PTGR1: variants seen among roughly 807,000 people sequenced by gnomAD.
The protein encoded by PTGR1 is prostaglandin reductase 1.
PTGR1 carries 23 observed loss-of-function variants against 37.7 expected under a neutral mutation model. The observed-to-expected ratio is 0.61, with a 90% confidence interval of 0.44 to 0.86. The LOEUF (loss-of-function observed/expected upper bound fraction) is 0.86, where lower values mean the gene tolerates loss of function less well. Among genes scored for constraint, PTGR1 ranks in the 40% least tolerant of loss-of-function variants. The pLI, the probability that PTGR1 is intolerant of heterozygous loss-of-function variation, is 0.00. For missense variants in PTGR1, 351 were observed against 394.3 expected (o/e 0.89, Z 0.93); for synonymous variants, 134 against 140.0 (o/e 0.96, Z 0.30).
In PTGR1 at chr9:111,563,034, T is replaced by C; in HGVS notation, c.*87A>G. On this transcript the variant is annotated 3_prime_UTR_variant, in exon 10 of 10. Coordinates refer to ENST00000407693, the MANE Select transcript of PTGR1 (RefSeq NM_001146108.2). ...ATTATGAGTACTATTTCTTAAGACA[T>C]TTAAGGTAGTATACATTTTTGCTAA... is the stretch of plus-strand genomic sequence containing the variant. 1 of 1,531,008 alleles carries C rather than the reference T, an allele frequency of 6.5e-7. No individual in the cohort carries two copies. The highest frequency in any genetic ancestry group is 2.3e-5 in the East Asian group (1 of 43,376). The allele number at this position is 1,531,008 out of a possible 1,614,324, so 94.8% of individuals were successfully genotyped here.
At chr9:111,576,085 G>A (rs914510494) in intron 7 of PTGR1, among the ~76,000 whole-genome samples, 4 of 151,928 alleles carry the variant, frequency 2.6e-5, no homozygotes, top group African/African-American at 9.7e-5. Context: ...GCTTGAACCT[G>A]GGAGGTCAAG....
intron 6 of PTGR1, among the ~76,000 whole-genome samples, chr9:111,582,820 C>G (rs1440707877): frequency 6.6e-6 from 1 of 152,218 alleles, no homozygotes; most frequent in African/African-American, 2.4e-5. Context: ...AACTTGTCCC[C>G]TAGGACCTAG....
At chr9:111,594,606 A>C (rs1432041467) in intron 2 of PTGR1, among the ~76,000 whole-genome samples, 1 of 134,470 alleles carries the variant, frequency 7.4e-6, no homozygotes, top group East Asian at 2.2e-4. Context: ...GCTGGAGTGC[A>C]GTGGCGTGAT....
At chr9:111,553,665 C>T (rs1001598721) in intron 9 of PTGR1, among the ~76,000 whole-genome samples, 2 of 152,170 alleles carry the variant, frequency 1.3e-5, no homozygotes, top group South Asian at 2.1e-4. Flanking sequence ...ACAACAGTGT[C>T]CTATGCAATG....
downstream of PTGR1, among the ~76,000 whole-genome samples, chr9:111,558,086 G>C (rs1024300002): frequency 1.3e-5 from 2 of 152,088 alleles, no homozygotes; most frequent in African/African-American, 4.8e-5. Flanking sequence ...GGCGGAGTTT[G>C]CACTAAGCCG....
intron 8 of PTGR1, among the ~76,000 whole-genome samples, chr9:111,571,656 TTTTGTTTG>T (rs112914784): frequency 0.28 from 41,716 of 151,284 alleles, 7,196 homozygotes; most frequent in Non-Finnish European, 0.4. Context: ...TTTTTTTAGT[TTTTGTTTG>T]TTTGTTTGTT....
chr9:111,586,573 T>C (rs975433335), intron 4 of PTGR1, among the ~76,000 whole-genome samples: 1 of 152,060 alleles, frequency 6.6e-6, no homozygotes, highest in Non-Finnish European at 1.5e-5. Flanking sequence ...AATATAAGCA[T>C]GCTCAAGTCT....
intron 9 of PTGR1, among the ~76,000 whole-genome samples, chr9:111,554,634 T>C (rs1828067961): frequency 6.6e-6 from 1 of 152,124 alleles, no homozygotes; most frequent in Non-Finnish European, 1.5e-5. Flanking sequence ...ATGACATGGA[T>C]ATGCTGGACA....
At chr9:111,559,498 GC>G (rs1193310869), downstream of PTGR1, among the ~76,000 whole-genome samples, 1 of 151,928 alleles carries the variant, frequency 6.6e-6, no homozygotes, top group Admixed American at 6.6e-5. Context: ...TATGACTCAA[GC>G]CATGTTCATT....
chr9:111,563,387 G>A, intron 9 of PTGR1, 156 bp from the exon 10 acceptor site: 1 of 666,522 alleles, frequency 1.5e-6, no homozygotes, highest in South Asian at 2.4e-5. Context: ...TCAAGGTGGG[G>A]CAAGATCCAC....
chr9:111,590,090 G>A (rs1434569880), intron 4 of PTGR1, among the ~76,000 whole-genome samples: 2 of 152,088 alleles, frequency 1.3e-5, no homozygotes, highest in African/African-American at 4.8e-5. Flanking sequence ...CCAAACATTT[G>A]CAACACTAAT....
Position 111,574,806 on chromosome 9 carries a change from T to A in PTGR1, c.688A>T (p.Met230Leu). Residue 230 changes from methionine (M) to leucine (L), a missense_variant, in exon 8 of 10, where the codon ATG becomes TTG. Coordinates refer to ENST00000407693, the MANE Select transcript of PTGR1 (RefSeq NM_001146108.2). ...GEFSNTVIGQMKKFGRIAICG... is the reference protein window; with the variant it reads ...GEFSNTVIGQLKKFGRIAICG... ...ATGGCAATCCTTCCAAATTTCTTCA[T>A]CTGGCCGATAACAGTGTTTGAAAAC... 1 of 1,613,900 alleles carries A rather than the reference T, an allele frequency of 6.2e-7. No homozygotes were observed. Among genetic ancestry groups the A allele is most frequent in the Non-Finnish European group, 8.5e-7 (1 of 1,179,884 alleles).
intron 3 of PTGR1, 149 bp downstream of exon 3, chr9:111,594,073 G>C (rs1327699397): frequency 3.7e-6 from 3 of 806,884 alleles, no homozygotes; most frequent in South Asian, 3.1e-5. Context: ...CAAAAGACGA[G>C]CGTGCATGAA....
intron 9 of PTGR1, among the ~76,000 whole-genome samples, chr9:111,551,461 G>A (rs531787591): frequency 2.4e-5 from 3 of 125,898 alleles, no homozygotes; most frequent in African/African-American, 9.1e-5. Context: ...AGGCTGGAGT[G>A]CAGTGGCGCA....
intron 7 of PTGR1, 77 bp from the exon 8 acceptor site, chr9:111,574,919 T>C: frequency 1.8e-6 from 2 of 1,103,288 alleles, no homozygotes. Context: ...TCACAAGCAT[T>C]ATTTTACAAT....
chr9:111,557,039 G>C (rs76404391), intron 9 of PTGR1, among the ~76,000 whole-genome samples: 6,351 of 152,290 alleles, frequency 0.042, 168 homozygotes, highest in South Asian at 0.057. Context: ...TGATGGAAAG[G>C]GCTGCCGCGA....
At chr9:111,578,654 C>T in intron 7 of PTGR1, 142 bp downstream of exon 7, 1 of 665,630 alleles carries the variant, frequency 1.5e-6, no homozygotes, top group East Asian at 3.0e-5. Context: ...TTTGCTTGCT[C>T]ACCTGCCCCT....
chr9:111,554,321 C>A (rs1335453070), intron 9 of PTGR1, among the ~76,000 whole-genome samples: 1 of 152,226 alleles, frequency 6.6e-6, no homozygotes, highest in African/African-American at 2.4e-5. Flanking sequence ...CACTTCTACT[C>A]TTCCGTTGCC....
intron 9 of PTGR1, among the ~76,000 whole-genome samples, chr9:111,555,869 C>T (rs1418472278): frequency 8.5e-5 from 13 of 152,164 alleles, no homozygotes; most frequent in Admixed American, 7.2e-4. Context: ...CCTGGTCCCT[C>T]GCAAATCTCA....
Sources: gnomAD v4.1 joint callset for allele counts (sites outside exome capture counted in the v4.1 genomes callset) on GRCh38, gnomAD v4.1.1 for gene constraint, MANE v1.5 for transcripts, NCBI Gene and HGNC (gene_info 2026-07-23, HGNC 2026-07-21) for gene names.